The following MTERF3 variants were observed in gnomAD, a reference collection of about 807,000 sequenced individuals.
MTERF3 encodes transcription termination factor 3, mitochondrial.
Under a neutral mutation model 40.5 loss-of-function variants are expected in MTERF3, and 40 were observed. The ratio of observed to expected loss-of-function variants is 0.99; its 90% CI spans 0.77 to 1.29. The LOEUF is 1.29. Among genes scored for constraint, MTERF3 ranks in the 50% most tolerant of loss-of-function variants. MTERF3 has a pLI of 0.00. For synonymous variants in MTERF3, 158 were observed against 166.6 expected (o/e 0.95, Z 0.40); for missense variants, 452 against 478.2 (o/e 0.95, Z 0.51).
chr8:96,248,507 T>A, intron 4 of MTERF3, among the ~76,000 whole-genome samples: 1 of 152,218 alleles, frequency 6.6e-6, no homozygotes. Flanking sequence ...TATACACAGA[T>A]ATATGCTTCC....
At chr8:96,256,214 C>T (rs1810276423) in intron 3 of MTERF3, among the ~76,000 whole-genome samples, 1 of 152,184 alleles carries the variant, frequency 6.6e-6, no homozygotes, top group Admixed American at 6.5e-5. Context: ...TATCCAGATC[C>T]AAGTGCAACC....
At chr8:96,258,949 T>C (rs1810332259) in intron 1 of MTERF3, among the ~76,000 whole-genome samples, 1 of 152,198 alleles carries the variant, frequency 6.6e-6, no homozygotes, top group Non-Finnish European at 1.5e-5. Flanking sequence ...TACTTTACAA[T>C]TTAAAAACAA....
Position 96,239,686 on chromosome 8 carries a change from C to A in MTERF3, c.1060-1G>T. On this transcript the variant is annotated splice_acceptor_variant, in intron 7 of 7. Transcript: ENST00000287025. LOFTEE classifies it high-confidence loss of function. ...CCTTAAACAGCCTTGTATTAAATAC[C>A]TAGAAAAGAAAAAAAAGTTTTTAAA... 1 of 1,567,084 alleles carries A rather than the reference C, an allele frequency of 6.4e-7. No homozygotes were observed. The highest frequency in any genetic ancestry group is 2.1e-5 in the Admixed American group (1 of 46,530).
intron 6 of MTERF3, among the ~76,000 whole-genome samples, chr8:96,245,362 A>G (rs143823966): frequency 4.6e-5 from 7 of 152,212 alleles, no homozygotes; most frequent in African/African-American, 1.7e-4. Context: ...TGTCTGGTAC[A>G]TTCTGTGACA....
chr8:96,260,550 AT>A (rs1810364925), intron 1 of MTERF3, among the ~76,000 whole-genome samples: 1 of 152,112 alleles, frequency 6.6e-6, no homozygotes, highest in Non-Finnish European at 1.5e-5. Context: ...CAGCTCTAAC[AT>A]TTTTTGACGT....
chr8:96,250,118 TAC>T (rs1194034108), intron 4 of MTERF3, among the ~76,000 whole-genome samples: 1 of 152,116 alleles, frequency 6.6e-6, no homozygotes, highest in African/African-American at 2.4e-5. Flanking sequence ...TTGAATGAAG[TAC>T]AGAGATGTTT....
rs190026233 is a variant in MTERF3, at chr8:96,245,548, G to A, written c.897+312C>T. Among the ~76,000 whole-genome samples the A allele has an allele frequency of 2.7e-3, 412 of 152,310 alleles. 1 individual carries two copies. Among genetic ancestry groups the A allele is most frequent in the African/African-American group, 9.5e-3 (395 of 41,556 alleles). On this transcript the variant is annotated intron_variant, in intron 6 of 7. Transcript: ENST00000287025. ...GTAACACTGCCCAGGTAACAAAGAC[G>A]TCAGACGCCCACACTGGGCAACAGA...
chr8:96,256,894 A>T, intron 3 of MTERF3, 68 bp downstream of exon 3: 1 of 1,423,264 alleles, frequency 7.0e-7, no homozygotes, highest in Non-Finnish European at 9.4e-7. Context: ...TTAAATTGTT[A>T]ATTTAAAAAA....
At chr8:96,247,095 C>G (rs2129892471) in intron 4 of MTERF3, among the ~76,000 whole-genome samples, 1 of 152,198 alleles carries the variant, frequency 6.6e-6, no homozygotes, top group African/African-American at 2.4e-5. Context: ...GCCTCAGCCT[C>G]CCAAGTAGCT....
chr8:96,251,000 G>A lies in MTERF3; in HGVS notation c.583C>T (p.Leu195Phe). ...EKDIKQMLLF[L>F]KDVGIEDNQL... ...TTATCCTCTATACCCACATCTTTAA[G>A]AAACAGAAGCATTTGCTTAATGTCT... Residue 195 changes from leucine (L) to phenylalanine (F), a missense_variant, in exon 4 of 8, where the codon CTT (leucine) becomes TTT (phenylalanine). Transcript: ENST00000287025. 6.2e-7 allele frequency: 1 copy of A among 1,605,826 alleles called. No homozygotes were observed. Among genetic ancestry groups the A allele is most frequent in the Non-Finnish European group, 8.5e-7 (1 of 1,178,012 alleles).
At chr8:96,250,683 G>GAAGAAGAAGAAGAA (rs1479466031) in intron 4 of MTERF3, among the ~76,000 whole-genome samples, 4 of 58,928 alleles carry the variant, frequency 6.8e-5, no homozygotes, top group Non-Finnish European at 7.4e-5. Context: ...AGAAGAAGAA[G>GAAGAAGAAGAAGAA]GAGGAGGAGG....
chr8:96,252,809 T>A (rs1810210133), intron 3 of MTERF3, among the ~76,000 whole-genome samples: 1 of 152,264 alleles, frequency 6.6e-6, no homozygotes, highest in Non-Finnish European at 1.5e-5. Context: ...TTGCTCAGCA[T>A]GAGCTGTCAC....
At chr8:96,239,890 A>T (rs1219063551) in intron 7 of MTERF3, 1 of 697,796 alleles carries the variant, frequency 1.4e-6, no homozygotes, top group Non-Finnish European at 2.6e-6. Flanking sequence ...CATACAAAAC[A>T]ATAATAAAAT....
chr8:96,250,681 A>AAG (rs1195195158), intron 4 of MTERF3, among the ~76,000 whole-genome samples: 2 of 23,336 alleles, frequency 8.6e-5, no homozygotes, highest in African/African-American at 1.8e-4. Context: ...GAAGAAGAAG[A>AAG]AGGAGGAGGA....
chr8:96,253,844 A>G (rs1261323648), intron 3 of MTERF3, among the ~76,000 whole-genome samples: 2 of 148,192 alleles, frequency 1.3e-5, no homozygotes, highest in South Asian at 2.1e-4. Flanking sequence ...CCCTCTATTT[A>G]AAAAAAAAAA....
At chr8:96,246,837 T>C (rs76032821) in intron 4 of MTERF3, among the ~76,000 whole-genome samples, 1 of 104,436 alleles carries the variant, frequency 9.6e-6, no homozygotes, top group Non-Finnish European at 1.9e-5. Flanking sequence ...CTGCTTAAGA[T>C]TTTTTTTTTT....
At chr8:96,241,130 G>A (rs751983472) in intron 7 of MTERF3, among the ~76,000 whole-genome samples, 3 of 151,812 alleles carry the variant, frequency 2.0e-5, no homozygotes, top group Admixed American at 6.6e-5. Context: ...ACTATCACCC[G>A]GCCGGGCGCG....
chr8:96,245,435 C>T (rs1455356058), intron 6 of MTERF3, among the ~76,000 whole-genome samples: 6 of 152,172 alleles, frequency 3.9e-5, no homozygotes, highest in Non-Finnish European at 8.8e-5. Flanking sequence ...CTACTCTTTT[C>T]ACAGAAGTCT....
At chr8:96,258,296 G>C (rs1443439687) in intron 2 of MTERF3, 61 bp downstream of exon 2, 1 of 1,502,296 alleles carries the variant, frequency 6.7e-7, no homozygotes, top group Non-Finnish European at 8.9e-7. Context: ...AAGGTAAACA[G>C]GTAGCTTGTT....
Sources: gnomAD v4.1 joint callset for allele counts (sites outside exome capture counted in the v4.1 genomes callset) on GRCh38, gnomAD v4.1.1 for gene constraint, MANE v1.5 for transcripts, NCBI Gene and HGNC (gene_info 2026-07-23, HGNC 2026-07-21) for gene names.